The following GPC5 variants were observed in gnomAD, a reference collection of about 807,000 sequenced individuals.
GPC5 encodes glypican 5.
In GPC5, 47 loss-of-function variants were observed where a neutral mutation model predicts 53.9. The ratio of observed to expected loss-of-function variants is 0.87; its 90% confidence interval spans 0.69 to 1.11. The LOEUF (loss-of-function observed/expected upper bound fraction) is 1.11. Ranked by LOEUF, GPC5 falls within the 50% of genes most tolerant of loss-of-function variation. GPC5 has a pLI of 0.00. For synonymous variants in GPC5, 286 were observed against 263.3 expected (o/e 1.09, Z -0.84); for missense variants, 748 against 713.1 (o/e 1.05, Z -0.56).
intron 3 of GPC5, among the ~76,000 whole-genome samples, chr13:91,709,332 C>T (rs530197217): frequency 1.3e-5 from 2 of 152,324 alleles, no homozygotes; most frequent in East Asian, 1.9e-4. Context: ...AGCCTTTATA[C>T]TGACCTTTAG....
In GPC5 at chr13:92,866,372, C is replaced by T. The variant is rs1188763945; in HGVS notation, c.1652C>T (p.Ala551Val). The change falls in exon 8 of 8, where the codon GCA becomes GTA. Residue 551 changes from alanine (A) to valine (V), a missense_variant. Ala to Val is a moderately conservative substitution (Grantham distance 64). Transcript: ENST00000377067. ...STLDTTGAGC[A>V]VATESMTFTL... is the part of the protein sequence containing the mutation. ...TTAGACACAACAGGAGCAGGATGTG[C>T]AGTGGCGACTGAATCTATGACATTC... 4.3e-6 allele frequency: 7 copies of T among 1,612,658 alleles called. No homozygotes were observed. The highest frequency in any genetic ancestry group is 5.9e-6 in the Non-Finnish European group (7 of 1,179,170).
chr13:91,819,110 C>T (rs2038447674), intron 5 of GPC5, among the ~76,000 whole-genome samples: 1 of 142,996 alleles, frequency 7.0e-6, no homozygotes, highest in Admixed American at 7.1e-5. Flanking sequence ...AATATCCTGA[C>T]TTAACTGAGA....
Position 92,645,364 on chromosome 13 carries a change from C to A in GPC5, c.1562-220918C>A, listed in dbSNP as rs187007449. On this transcript the variant is annotated intron_variant, in intron 7 of 7. Coordinates refer to ENST00000377067, the MANE Select transcript of GPC5 (RefSeq NM_004466.6). The stretch of plus-strand genomic sequence containing the variant: ...TTCACTATGTTGGTCAGACTGGTCT[C>A]GAACTCCTGACTGGGAATCTTTAAA... Among the ~76,000 whole-genome samples, 74 of 152,258 alleles carry A rather than the reference C, an allele frequency of 4.9e-4. 1 individual carries two copies. The highest frequency in any genetic ancestry group is 4.4e-3 in the Admixed American group (67 of 15,276).
chr13:92,218,573 C>G (rs151021104), intron 7 of GPC5, among the ~76,000 whole-genome samples: 2 of 152,280 alleles, frequency 1.3e-5, no homozygotes, highest in East Asian at 3.9e-4. Flanking sequence ...GTCCCCTCCC[C>G]CTGCTTCACT....
intron 6 of GPC5, among the ~76,000 whole-genome samples, chr13:92,005,689 A>C (rs1057372661): frequency 6.6e-6 from 1 of 152,164 alleles, no homozygotes; most frequent in Non-Finnish European, 1.5e-5. Context: ...AACATTGCCT[A>C]TTGTGTTCAC....
chr13:91,771,498 T>TA (rs1418749236), intron 5 of GPC5, among the ~76,000 whole-genome samples: 5 of 152,158 alleles, frequency 3.3e-5, no homozygotes, highest in Admixed American at 3.3e-4. Context: ...TAGCACAAGG[T>TA]AGAACAACCA....
intron 2 of GPC5, among the ~76,000 whole-genome samples, chr13:91,656,579 C>T (rs2139588350): frequency 6.6e-6 from 1 of 152,154 alleles, no homozygotes; most frequent in Admixed American, 6.5e-5. Flanking sequence ...TAAAAAACAA[C>T]AAAAATATGT....
chr13:92,164,597 G>A (rs536041815), intron 7 of GPC5, among the ~76,000 whole-genome samples: 1 of 152,284 alleles, frequency 6.6e-6, no homozygotes, highest in East Asian at 1.9e-4. Context: ...TCACAGGCTG[G>A]TGTTGAGTGT....
Position 91,831,616 on chromosome 13 carries a change from A to G in GPC5, c.1280+75196A>G, listed in dbSNP as rs564725796. Reference sequence around the variant, plus strand: ...TGCACACCTAACTTTTTCCATTGCTAATTATATAGTGTTGGTTCTGGAGAA... The same window carrying G: ...TGCACACCTAACTTTTTCCATTGCTGATTATATAGTGTTGGTTCTGGAGAA... On this transcript the variant is annotated intron_variant, in intron 5 of 7. Transcript: ENST00000377067. Among the ~76,000 whole-genome samples the G allele has an allele frequency of 5.9e-5, 9 of 152,136 alleles. No homozygotes were observed. In the East Asian group the frequency reaches 1.5e-3, roughly 26 times the overall value.
chr13:92,161,506 T>C (rs1215278486), intron 7 of GPC5, among the ~76,000 whole-genome samples: 1 of 152,098 alleles, frequency 6.6e-6, no homozygotes, highest in East Asian at 1.9e-4. Flanking sequence ...AGAATATTAT[T>C]CAGAAACAAA....
chr13:92,227,091 C>T (rs2042492530), intron 7 of GPC5, among the ~76,000 whole-genome samples: 1 of 152,164 alleles, frequency 6.6e-6, no homozygotes, highest in African/African-American at 2.4e-5. Context: ...CCTTGTCTTC[C>T]TTCTGCCCCT....
intron 6 of GPC5, among the ~76,000 whole-genome samples, chr13:91,940,455 A>G (rs1414097404): frequency 6.6e-6 from 1 of 152,154 alleles, no homozygotes; most frequent in Admixed American, 6.6e-5. Context: ...CAATGAATGT[A>G]TAAGTGCATG....
At chr13:91,622,410 TA>T (rs1348445197) in intron 2 of GPC5, among the ~76,000 whole-genome samples, 1 of 152,208 alleles carries the variant, frequency 6.6e-6, no homozygotes, top group East Asian at 1.9e-4. Context: ...TCAGAGTACA[TA>T]AAGGCGTTTT....
chr13:92,218,644 A>G lies in GPC5; in HGVS notation c.1561+73655A>G, dbSNP rs182512392. On this transcript the variant is annotated intron_variant, in intron 7 of 7. Coordinates refer to ENST00000377067, the MANE Select transcript of GPC5 (RefSeq NM_004466.6). ...CATAAAAATCCCAACCGCCTTCACTAGAAAAATTTGGTGCTGTATGAGAAC... is the reference window on the plus strand; with the variant it reads ...CATAAAAATCCCAACCGCCTTCACTGGAAAAATTTGGTGCTGTATGAGAAC... 2.2e-4 allele frequency among the ~76,000 whole-genome samples: 34 copies of G among 152,280 alleles called. No individual in the cohort carries two copies. In the East Asian group the frequency reaches 5.0e-3, roughly 22 times the overall value.
intron 5 of GPC5, among the ~76,000 whole-genome samples, chr13:91,813,524 G>C (rs1390043634): frequency 1.2e-4 from 18 of 152,304 alleles, no homozygotes; most frequent in Non-Finnish European, 1.5e-5. Context: ...TCACAAGGTG[G>C]TTGGTGCCAA....
At chr13:92,342,467 G>A (rs1412743138) in intron 7 of GPC5, among the ~76,000 whole-genome samples, 2 of 152,166 alleles carry the variant, frequency 1.3e-5, no homozygotes, top group Admixed American at 1.3e-4. Context: ...CCGCCCTCAT[G>A]AATGAGATTA....
intron 7 of GPC5, among the ~76,000 whole-genome samples, chr13:92,852,674 G>A (rs1019986286): frequency 5.9e-5 from 9 of 152,112 alleles, no homozygotes; most frequent in African/African-American, 2.2e-4. Flanking sequence ...GGCCTCAAGT[G>A]ATCTTCCCAC....
In GPC5 at chr13:92,417,659, G is replaced by A. The variant is rs182093629; in HGVS notation, c.1561+272670G>A. The stretch of plus-strand genomic sequence containing the variant: ...AGGAACAGGCAGGTGGATCTCTTGA[G>A]CCGAGGATTTCGAGGCCAACCTGGA... On this transcript the variant is annotated intron_variant, in intron 7 of 7. Coordinates refer to ENST00000377067, the MANE Select transcript of GPC5 (RefSeq NM_004466.6). Among the ~76,000 whole-genome samples the A allele has an allele frequency of 1.3e-3, 198 of 152,230 alleles. 3 individuals are homozygous for A. The highest frequency in any genetic ancestry group is 0.011 in the Admixed American group (173 of 15,294).
At chr13:91,643,427 C>A (rs1210660766) in intron 2 of GPC5, among the ~76,000 whole-genome samples, 4 of 152,108 alleles carry the variant, frequency 2.6e-5, no homozygotes, top group Non-Finnish European at 5.9e-5. Flanking sequence ...TTGAGATATG[C>A]TATGATGTAA....
Sources: gnomAD v4.1 joint callset for allele counts (sites outside exome capture counted in the v4.1 genomes callset) on GRCh38, gnomAD v4.1.1 for gene constraint, MANE v1.5 for transcripts, NCBI Gene and HGNC (gene_info 2026-07-23, HGNC 2026-07-21) for gene names.